The following ZNF536 variants were observed in gnomAD, a reference collection of about 807,000 sequenced individuals.
ZNF536 encodes zinc finger protein 536.
ZNF536 carries 13 observed loss-of-function variants against 84.5 expected under a neutral mutation model. That is an observed-to-expected ratio of 0.15 (90% CI 0.10 to 0.24). The LOEUF is 0.24. ZNF536 is among the 10% of genes least tolerant of loss of function. The pLI is 1.00. For synonymous variants in ZNF536, 811 were observed against 742.5 expected (o/e 1.09, Z -1.50); for missense variants, 1,536 against 1,747.5 (o/e 0.88, Z 2.16).
At chr19:30,682,496 T>A (rs1249144900) in intron 1 of ZNF536, among the ~76,000 whole-genome samples, 1 of 152,184 alleles carries the variant, frequency 6.6e-6, no homozygotes, top group Non-Finnish European at 1.5e-5. Flanking sequence ...CGGATCAAGC[T>A]GGCAGAAGGA....
intron 1 of ZNF536, among the ~76,000 whole-genome samples, chr19:30,582,798 C>T (rs543019273): frequency 6.6e-6 from 1 of 152,232 alleles, no homozygotes; most frequent in South Asian, 2.1e-4. Flanking sequence ...CATCAGATGT[C>T]GTGGGACTTA....
At chr19:30,295,999 C>G (rs1397925060) in intron 2 of ZNF536, among the ~76,000 whole-genome samples, 1 of 152,200 alleles carries the variant, frequency 6.6e-6, no homozygotes, top group East Asian at 1.9e-4. Context: ...CAGTGTCGGG[C>G]AGGGCAGGTT....
intron 2 of ZNF536, among the ~76,000 whole-genome samples, chr19:30,461,205 G>A (rs975757039): frequency 2.0e-5 from 3 of 152,202 alleles, no homozygotes; most frequent in Non-Finnish European, 4.4e-5. Flanking sequence ...ACTGAGGCAT[G>A]GAGAGGTTGG....
intron 1 of ZNF536, among the ~76,000 whole-genome samples, chr19:30,566,234 G>A (rs992888917): frequency 6.6e-5 from 10 of 152,228 alleles, no homozygotes; most frequent in South Asian, 2.1e-4. Context: ...GTTTTGTTCC[G>A]TTCAAAAACC....
At chr19:30,648,238 C>T (rs2049551609) in intron 1 of ZNF536, among the ~76,000 whole-genome samples, 2 of 152,190 alleles carry the variant, frequency 1.3e-5, no homozygotes, top group South Asian at 2.1e-4. Context: ...CCACAAGAAG[C>T]GGTTCCGAGT....
At chr19:30,464,749 A>G (rs969832993) in intron 2 of ZNF536, among the ~76,000 whole-genome samples, 12 of 152,040 alleles carry the variant, frequency 7.9e-5, no homozygotes, top group Admixed American at 2.0e-4. Context: ...AGAGAGCCTG[A>G]GCACAGGAGA....
chr19:30,464,562 G>T (rs150712123), intron 2 of ZNF536, among the ~76,000 whole-genome samples: 83 of 152,124 alleles, frequency 5.5e-4, no homozygotes, highest in Admixed American at 1.2e-3. Context: ...GATTTTCCTG[G>T]AAATCACCAA....
chr19:30,286,060 C>T (rs924889312), intron 2 of ZNF536, among the ~76,000 whole-genome samples: 3 of 152,132 alleles, frequency 2.0e-5, no homozygotes, highest in Non-Finnish European at 4.4e-5. Context: ...GGCTGAAATA[C>T]AGCCCTCTTC....
chr19:30,326,814 T>TTTTTTG (rs2047053301), intron 2 of ZNF536, among the ~76,000 whole-genome samples: 2 of 139,962 alleles, frequency 1.4e-5, no homozygotes, highest in Admixed American at 7.2e-5. Flanking sequence ...TTTTTTTTTT[T>TTTTTTG]TTTTGTTTTC....
At chr19:30,520,789 G>A (rs566560460) in intron 2 of ZNF536, among the ~76,000 whole-genome samples, 1 of 152,200 alleles carries the variant, frequency 6.6e-6, no homozygotes, top group South Asian at 2.1e-4. Context: ...GGTGGGGTTG[G>A]GAGGCTACCA....
At chr19:30,670,306 C>T (rs897003379) in intron 1 of ZNF536, among the ~76,000 whole-genome samples, 1 of 152,194 alleles carries the variant, frequency 6.6e-6, no homozygotes, top group East Asian at 1.9e-4. Flanking sequence ...TGCCTGAGTT[C>T]GAATCCCGTC....
Position 30,584,828 on chromosome 19 carries a change from G to T in ZNF536, c.169+35314G>T, listed in dbSNP as rs148694157. On this transcript the variant is annotated intron_variant, in intron 1 of 1. Coordinates refer to the ZNF536 transcript ENST00000592773. Reference sequence around the variant, plus strand: ...GAGACAGTCTTGGTTGGGTGTGGTGGCTCACGCCTGCAATCCCTGCACTTT... The same window carrying T: ...GAGACAGTCTTGGTTGGGTGTGGTGTCTCACGCCTGCAATCCCTGCACTTT... 4.8e-3 allele frequency among the ~76,000 whole-genome samples: 731 copies of T among 152,286 alleles called. 6 individuals are homozygous for T. The highest frequency in any genetic ancestry group is 0.017 in the African/African-American group (713 of 41,556).
intron 1 of ZNF536, among the ~76,000 whole-genome samples, chr19:30,696,106 CA>C (rs1327356763): frequency 2.0e-5 from 3 of 152,132 alleles, no homozygotes; most frequent in Admixed American, 6.5e-5. Context: ...GAATAATATC[CA>C]ACTCTGATTC....
chr19:30,225,646 T>C (rs58466966), upstream of ZNF536, among the ~76,000 whole-genome samples: 48,480 of 148,378 alleles, frequency 0.33, 8,401 homozygotes, highest in African/African-American at 0.43. Context: ...AGTTTGCTCC[T>C]GACGCCCGCG....
chr19:30,364,251 C>T (rs1045613519), intron 3 of ZNF536, among the ~76,000 whole-genome samples: 10 of 152,166 alleles, frequency 6.6e-5, no homozygotes, highest in Non-Finnish European at 1.5e-4. Flanking sequence ...CCTAGCCAGG[C>T]ACAGAGGCTC....
At chr19:30,384,343 CCCCTT>C (rs1288748796) in intron 1 of ZNF536, among the ~76,000 whole-genome samples, 1 of 87,294 alleles carries the variant, frequency 1.1e-5, no homozygotes, top group Non-Finnish European at 2.2e-5. Flanking sequence ...CCCCTCCCCT[CCCCTT>C]CCCTTCCCTT....
In ZNF536 at chr19:30,620,573, C is replaced by G. The variant is rs1027641304; in HGVS notation, c.169+71059C>G. Among the ~76,000 whole-genome samples, 5 of 152,234 alleles carry G rather than the reference C, an allele frequency of 3.3e-5. 1 individual carries two copies. In the East Asian group the frequency reaches 5.8e-4, roughly 18 times the overall value. ...GGGCACCCTCCCTCCTCTGAGACGGCCTCTCTCCTGGGCCACTGTGCAGAG... is the reference window on the plus strand; with the variant it reads ...GGGCACCCTCCCTCCTCTGAGACGGGCTCTCTCCTGGGCCACTGTGCAGAG... On this transcript the variant is annotated intron_variant, in intron 1 of 1. Coordinates refer to the ZNF536 transcript ENST00000592773.
At chr19:30,532,846 T>C (rs1224186603) in intron 2 of ZNF536, among the ~76,000 whole-genome samples, 1 of 152,202 alleles carries the variant, frequency 6.6e-6, no homozygotes, top group Non-Finnish European at 1.5e-5. Flanking sequence ...TGACCATATG[T>C]AGAGCATTTG....
chr19:30,347,120 TA>T (rs1568348527), intron 2 of ZNF536, among the ~76,000 whole-genome samples: 2 of 147,352 alleles, frequency 1.4e-5, no homozygotes, highest in African/African-American at 2.5e-5. Context: ...TTTTTTTTTT[TA>T]TATGATTCTT....
Sources: gnomAD v4.1 joint callset for allele counts (sites outside exome capture counted in the v4.1 genomes callset) on GRCh38, gnomAD v4.1.1 for gene constraint, MANE v1.5 for transcripts, NCBI Gene and HGNC (gene_info 2026-07-23, HGNC 2026-07-21) for gene names.